The following ANXA8 variants were observed in gnomAD, a reference collection of about 807,000 sequenced individuals.
The protein encoded by ANXA8 is annexin A8, also known as VAC-beta.
A neutral mutation model predicts 26.8 loss-of-function variants in ANXA8; 9 were observed. The ratio of observed to expected loss-of-function variants is 0.34; its 90% CI spans 0.20 to 0.59. The LOEUF is 0.59. Ranked by LOEUF, ANXA8 falls within the 20% of genes least tolerant of loss-of-function variation. ANXA8 has a pLI of 0.84. For missense variants in ANXA8, 83 were observed against 238.5 expected (o/e 0.35, Z 4.29); for synonymous variants, 39 against 94.8 (o/e 0.41, Z 3.42).
chr10:47,655,769 C>T, the ANXA8 span, among the ~76,000 whole-genome samples: 1 of 151,966 alleles, frequency 6.6e-6, no homozygotes, highest in Non-Finnish European at 1.5e-5. Context: ...GCCTGTAATC[C>T]CAGCACTTTG....
the ANXA8 span, among the ~76,000 whole-genome samples, chr10:47,639,317 T>TTATTATTATTA: frequency 2.6e-5 from 2 of 76,288 alleles, no homozygotes; most frequent in African/African-American, 1.0e-4. Context: ...TATTATTATT[T>TTATTATTATTA]TTTTTTTTTT....
At chr10:47,658,465 T>G in the ANXA8 span, among the ~76,000 whole-genome samples, 1 of 149,648 alleles carries the variant, frequency 6.7e-6, no homozygotes, top group Non-Finnish European at 1.5e-5. Flanking sequence ...TTGGTTTTCA[T>G]AGCAATCAAC....
chr10:47,575,410 A>T, the ANXA8 span, among the ~76,000 whole-genome samples: 1 of 140,584 alleles, frequency 7.1e-6, no homozygotes, highest in Non-Finnish European at 1.5e-5. Context: ...TTTGAGATGA[A>T]ATCTCACTCT....
At chr10:47,682,575 T>C in the ANXA8 span, among the ~76,000 whole-genome samples, 2 of 151,168 alleles carry the variant, frequency 1.3e-5, no homozygotes, top group African/African-American at 4.9e-5. Flanking sequence ...GTTCAAGCGA[T>C]TCTCCTGCCT....
the ANXA8 span, among the ~76,000 whole-genome samples, chr10:47,640,040 C>T: frequency 1.4e-5 from 2 of 144,218 alleles, no homozygotes; most frequent in Non-Finnish European, 3.0e-5. Context: ...CATCCTCCTC[C>T]CTCATCATCC....
chr10:47,981,195 C>T, the ANXA8 span, among the ~76,000 whole-genome samples: 25 of 151,712 alleles, frequency 1.6e-4, no homozygotes, highest in African/African-American at 5.8e-4. Flanking sequence ...AAATGAAGGA[C>T]AAAATCCACC....
chr10:47,975,589 T>C, the ANXA8 span, among the ~76,000 whole-genome samples: 2 of 150,858 alleles, frequency 1.3e-5, no homozygotes, highest in Non-Finnish European at 3.0e-5. Context: ...AGCATTTAGG[T>C]GACTTAGTCT....
At chr10:47,777,179 T>C in the ANXA8 span, among the ~76,000 whole-genome samples, 28,922 of 149,950 alleles carry the variant, frequency 0.19, 2,647 homozygotes, top group East Asian at 0.42. Flanking sequence ...AGCCCCAGCC[T>C]GTCCCATTGG....
At chr10:47,740,362 A>T in the ANXA8 span, among the ~76,000 whole-genome samples, 19 of 146,504 alleles carry the variant, frequency 1.3e-4, no homozygotes, top group African/African-American at 4.4e-4. Context: ...ATTTAAAAAA[A>T]AATTGCATGA....
chr10:47,626,851 A>G, the ANXA8 span, among the ~76,000 whole-genome samples: 1 of 150,322 alleles, frequency 6.7e-6, no homozygotes, highest in Middle Eastern at 3.4e-3. Context: ...TCCATTAATC[A>G]TGGTTTAGAT....
At chr10:47,739,019 CT>C in the ANXA8 span, among the ~76,000 whole-genome samples, 1 of 150,806 alleles carries the variant, frequency 6.6e-6, no homozygotes, top group Non-Finnish European at 1.5e-5. Context: ...TCATTTTGCT[CT>C]TCTCCAGAGC....
At chr10:47,943,421 T>C in the ANXA8 span, among the ~76,000 whole-genome samples, 1 of 146,478 alleles carries the variant, frequency 6.8e-6, no homozygotes, top group Non-Finnish European at 1.5e-5. Flanking sequence ...TCAGACACCA[T>C]GGGGGAGAAA....
chr10:47,597,078 C>T, the ANXA8 span, among the ~76,000 whole-genome samples: 2 of 148,864 alleles, frequency 1.3e-5, no homozygotes, highest in African/African-American at 5.2e-5. Context: ...AACTTTATAC[C>T]TGGGATGTAA....
chr10:47,507,548 C>CT, the ANXA8 span: 1 of 1,526,034 alleles, frequency 6.6e-7, no homozygotes, highest in Middle Eastern at 1.9e-4. Flanking sequence ...AAAAGCTCAC[C>CT]TTTGTGTGAT....
At chr10:47,667,330 G>C in the ANXA8 span, among the ~76,000 whole-genome samples, 1 of 151,902 alleles carries the variant, frequency 6.6e-6, no homozygotes, top group Admixed American at 6.6e-5. Context: ...TATGCCTGTT[G>C]AAAGTACAAA....
At chr10:47,736,468 T>G in the ANXA8 span, among the ~76,000 whole-genome samples, 2 of 81,274 alleles carry the variant, frequency 2.5e-5, no homozygotes, top group African/African-American at 4.9e-5. Flanking sequence ...CAGGATTCCA[T>G]CATTTGTGTG....
the ANXA8 span, among the ~76,000 whole-genome samples, chr10:47,530,549 C>T: frequency 2.0e-5 from 3 of 150,696 alleles, no homozygotes; most frequent in Admixed American, 6.6e-5. Context: ...AAAAATTAGC[C>T]GGGCGTGGTG....
the ANXA8 span, among the ~76,000 whole-genome samples, chr10:47,772,646 C>G: frequency 2.6e-5 from 4 of 151,944 alleles, no homozygotes; most frequent in Admixed American, 2.6e-4. Flanking sequence ...GGTCACACAA[C>G]TAGAAATCGG....
In ANXA8 at chr10:47,473,992, C is replaced by T. The variant is rs1839402801; in HGVS notation, c.720G>A (p.Leu240=). 1 of 532,854 alleles carries T rather than the reference C, an allele frequency of 1.9e-6. No individual in the cohort carries two copies. Among genetic ancestry groups the T allele is most frequent in the African/African-American group, 2.9e-5 (1 of 34,668 alleles). 33.0% of individuals were successfully genotyped at this position (532,854 alleles called of 1,614,324 possible). The change falls in exon 9 of 12, where the codon CTG becomes CTA. Residue 240 remains leucine, a synonymous_variant. Transcript: ENST00000585281. The stretch of plus-strand genomic sequence containing the variant: ...TACCCACAGTGAGCATGGCCTCCTC[C>T]AGTGAGCCATGGGTCTCACTCTTGA... ...DSIKSETHGS[L]EEAMLTVVKC...
Sources: allele counts gnomAD v4.1 joint callset (sites outside exome capture counted in the v4.1 genomes callset), GRCh38; gene constraint gnomAD v4.1.1; transcripts MANE v1.5; gene names NCBI Gene and HGNC (gene_info 2026-07-23, HGNC 2026-07-21).